Variants in FAR2 observed in about 807,000 individuals in gnomAD.
FAR2 encodes the protein epididymis secretory protein Li 81.
FAR2 carries 19 observed loss-of-function variants against 56.0 expected under a neutral mutation model. That is an observed-to-expected ratio of 0.34 (90% CI 0.24 to 0.50). The LOEUF is 0.50. FAR2 is among the 20% of genes least tolerant of loss of function. The probability of loss-of-function intolerance (pLI) is 0.98; values close to 1 mark genes in which losing one functional copy is unlikely to be tolerated. For missense variants in FAR2, 508 were observed against 642.2 expected (o/e 0.79, Z 2.26); for synonymous variants, 219 against 218.8 (o/e 1.00, Z -0.01).
At chr12:29,182,586 C>G (rs1469330266) in intron 1 of FAR2, among the ~76,000 whole-genome samples, 1 of 152,178 alleles carries the variant, frequency 6.6e-6, no homozygotes, top group Non-Finnish European at 1.5e-5. Flanking sequence ...TCTCCAAGTC[C>G]CCACCCAACC....
At chr12:29,208,904 A>G (rs1194153746) in intron 1 of FAR2, among the ~76,000 whole-genome samples, 1 of 152,108 alleles carries the variant, frequency 6.6e-6, no homozygotes, top group African/African-American at 2.4e-5. Context: ...CCAATGGCAA[A>G]ATGCAACCTC....
Position 29,297,176 on chromosome 12 carries a change from C to CAAAAAAAAA in FAR2, c.529_530insAAAAAAAAA (p.Lys176_Ile177insLysLysLys). 1 of 1,601,952 alleles carries CAAAAAAAAA rather than the reference C, an allele frequency of 6.2e-7. No individual in the cohort carries two copies. The highest frequency in any genetic ancestry group is 1.4e-5 in the African/African-American group (1 of 73,958). On this transcript the variant is annotated inframe_insertion, in exon 4 of 12. Coordinates refer to ENST00000536681, the MANE Select transcript of FAR2 (RefSeq NM_001271783.2). Reference sequence around the variant, plus strand: ...GTTATCTATCCGTGCCCTGTGGAGCCAAAAAAAATCATTGATTCCCTTGAG... The same window carrying CAAAAAAAAA: ...GTTATCTATCCGTGCCCTGTGGAGCCAAAAAAAAAAAAAAAAATCATTGATTCCCTTGAG...
intron 1 of FAR2, among the ~76,000 whole-genome samples, chr12:29,205,942 C>T (rs1230689793): frequency 6.6e-6 from 1 of 151,946 alleles, no homozygotes; most frequent in Non-Finnish European, 1.5e-5. Flanking sequence ...TCTACTTTGA[C>T]TAGAGGCTAG....
intron 1 of FAR2, among the ~76,000 whole-genome samples, chr12:29,155,799 T>C (rs998526679): frequency 2.6e-5 from 4 of 152,242 alleles, no homozygotes; most frequent in African/African-American, 9.6e-5. Flanking sequence ...TATATTTACC[T>C]TGTGGTCCTT....
At chr12:29,200,789 C>G (rs924519965) in intron 1 of FAR2, among the ~76,000 whole-genome samples, 2 of 152,150 alleles carry the variant, frequency 1.3e-5, no homozygotes, top group Non-Finnish European at 2.9e-5. Flanking sequence ...GTGCGTTTTA[C>G]TCAGGAAGCC....
intron 1 of FAR2, among the ~76,000 whole-genome samples, chr12:29,237,626 T>C (rs986273148): frequency 6.6e-6 from 1 of 152,228 alleles, no homozygotes. Context: ...GTGAATCTTT[T>C]CATGGAATAT....
At chr12:29,321,652 G>C in intron 9 of FAR2, 143 bp from the exon 10 acceptor site, 1 of 922,980 alleles carries the variant, frequency 1.1e-6, no homozygotes, top group Non-Finnish European at 1.5e-6. Context: ...AATGTGGAAG[G>C]AGAAAAAAGA....
At chr12:29,307,875 C>A (rs375435059) in intron 5 of FAR2, 40 bp downstream of exon 5, 5 of 1,577,416 alleles carry the variant, frequency 3.2e-6, no homozygotes, top group Non-Finnish European at 4.3e-6. Flanking sequence ...TGCTTCCAAA[C>A]TAAGGTTCTT....
intron 1 of FAR2, among the ~76,000 whole-genome samples, chr12:29,190,920 T>C (rs1950098126): frequency 6.6e-6 from 1 of 152,200 alleles, no homozygotes; most frequent in African/African-American, 2.4e-5. Context: ...ATTTATTAAA[T>C]CAACTCTTTG....
intron 2 of FAR2, among the ~76,000 whole-genome samples, chr12:29,277,103 G>A (rs1017214725): frequency 2.0e-5 from 3 of 152,036 alleles, no homozygotes; most frequent in East Asian, 1.9e-4. Context: ...TCAGCCTCCC[G>A]AGTAGCTGGG....
intron 1 of FAR2, among the ~76,000 whole-genome samples, chr12:29,257,266 C>G (rs948678732): frequency 5.3e-5 from 8 of 152,076 alleles, no homozygotes; most frequent in African/African-American, 1.9e-4. Context: ...CTGTATCTAG[C>G]TACTCTGGTG....
intron 4 of FAR2, among the ~76,000 whole-genome samples, chr12:29,299,213 C>CAGAAAAAAAAAAAAAAAAAAAAAAA (rs1565512259): frequency 9.7e-6 from 1 of 103,572 alleles, no homozygotes; most frequent in African/African-American, 3.9e-5. Flanking sequence ...AACTTTGTCT[C>CAGAAAAAAAAAAAAAAAAAAAAAAA]AAAAAAAAAA....
chr12:29,256,664 G>A (rs980056178), intron 1 of FAR2, among the ~76,000 whole-genome samples: 3 of 152,226 alleles, frequency 2.0e-5, no homozygotes, highest in Admixed American at 6.5e-5. Flanking sequence ...GGCGGGAACA[G>A]AGGCTGTGCG....
At chr12:29,244,517 G>T (rs1398058911) in intron 1 of FAR2, among the ~76,000 whole-genome samples, 1 of 152,176 alleles carries the variant, frequency 6.6e-6, no homozygotes, top group African/African-American at 2.4e-5. Flanking sequence ...TGGAGACCAG[G>T]ATTTCAGAGA....
intron 2 of FAR2, among the ~76,000 whole-genome samples, chr12:29,273,575 GC>G (rs1306229449): frequency 6.6e-6 from 1 of 152,204 alleles, no homozygotes; most frequent in African/African-American, 2.4e-5. Flanking sequence ...TGCCCAGGGA[GC>G]TTAGCCTGTT....
At chr12:29,307,592 T>C (rs1949272486) in intron 4 of FAR2, 66 bp from the exon 5 acceptor site, 1 of 1,463,038 alleles carries the variant, frequency 6.8e-7, no homozygotes, top group Non-Finnish European at 9.2e-7. Flanking sequence ...TGATTGTGTC[T>C]CACATTTTCC....
At chr12:29,274,980 G>A (rs1021139305) in intron 2 of FAR2, among the ~76,000 whole-genome samples, 12 of 800 alleles carry the variant, frequency 0.015, no homozygotes, top group Non-Finnish European at 0.021. Flanking sequence ...ACTCGGATCG[G>A]GGGACCTCCC....
chr12:29,321,084 A>T (rs1949543177), intron 9 of FAR2, among the ~76,000 whole-genome samples: 1 of 148,984 alleles, frequency 6.7e-6, no homozygotes, highest in African/African-American at 2.5e-5. Context: ...GTTATCAACA[A>T]GAAGTTTTTT....
intron 1 of FAR2, among the ~76,000 whole-genome samples, chr12:29,253,185 C>CTCTA (rs1170943500): frequency 1.0e-5 from 1 of 99,592 alleles, no homozygotes; most frequent in Admixed American, 9.3e-5. Flanking sequence ...CTATCTCTCT[C>CTCTA]TCTATCTATC....
Sources: allele counts gnomAD v4.1 joint callset (sites outside exome capture counted in the v4.1 genomes callset), GRCh38; gene constraint gnomAD v4.1.1; transcripts MANE v1.5; gene names NCBI Gene and HGNC (gene_info 2026-07-23, HGNC 2026-07-21).